Variants in SULT1C2 observed in about 807,000 individuals in gnomAD.
The protein encoded by SULT1C2 is sulfotransferase family 1C member 2.
SULT1C2 carries 27 observed loss-of-function variants against 36.0 expected under a neutral mutation model. That is an observed-to-expected ratio of 0.75 (90% CI 0.55 to 1.03). SULT1C2 has a LOEUF of 1.03. Ranked by LOEUF, SULT1C2 falls within the 50% of genes least tolerant of loss-of-function variation. The pLI, the probability that SULT1C2 is intolerant of heterozygous loss-of-function variation, is 0.00. For missense variants in SULT1C2, 395 were observed against 359.2 expected, an observed-to-expected ratio of 1.10 and a Z score of -0.80; for synonymous variants, 121 against 116.0, an observed-to-expected ratio of 1.04 and a Z score of -0.27.
Position 108,308,655 on chromosome 2 carries a change from TC to T in SULT1C2, c.*194del, listed in dbSNP as rs1425708630. The T allele has an allele frequency of 2.0e-6, 1 of 507,852 alleles. No homozygotes were observed. The highest frequency in any genetic ancestry group is 1.9e-5 in the African/African-American group (1 of 51,400). The allele number at this position is 507,852 out of a possible 1,614,324, so 31.5% of individuals were successfully genotyped here. On this transcript the variant is annotated 3_prime_UTR_variant, in exon 8 of 8. Transcript: ENST00000251481. ...AAAGGATCACGTCTAATGCCCATTTTCCCAACTATTCTTTCCAAAGTAAGAT... is the reference window on the plus strand; with the variant it reads ...AAAGGATCACGTCTAATGCCCATTTTCCAACTATTCTTTCCAAAGTAAGAT...
chr2:108,297,812 T>C (rs563734316), intron 3 of SULT1C2, among the ~76,000 whole-genome samples: 13 of 136,986 alleles, frequency 9.5e-5, no homozygotes, highest in African/African-American at 3.0e-4. Flanking sequence ...CCTGTAGGGG[T>C]TTTTTGGCAG....
intron 7 of SULT1C2, among the ~76,000 whole-genome samples, chr2:108,308,087 A>T (rs1218394663): frequency 6.6e-6 from 1 of 152,216 alleles, no homozygotes; most frequent in Non-Finnish European, 1.5e-5. Flanking sequence ...AGGTAAATAC[A>T]CTACAGGTGG....
At chr2:108,306,380 G>A (rs185397355) in intron 7 of SULT1C2, among the ~76,000 whole-genome samples, 1 of 152,198 alleles carries the variant, frequency 6.6e-6, no homozygotes, top group African/African-American at 2.4e-5. Flanking sequence ...TGAGGCATGA[G>A]GATTGCTTGA....
Position 108,296,698 on chromosome 2 carries a change from G to A in SULT1C2, c.277+2344G>A, listed in dbSNP as rs576341794. Among the ~76,000 whole-genome samples the A allele has an allele frequency of 1.4e-4, 21 of 152,264 alleles. No homozygotes were observed. In the East Asian group the frequency reaches 1.7e-3, roughly 13 times the overall value. On this transcript the variant is annotated intron_variant, in intron 3 of 7. Transcript: ENST00000251481. ...GAACTCCTGACCTCATGATATACCC[G>A]CCTCGGCCTCCCAAAGCACTGAGAT...
At chr2:108,294,130 C>A in intron 2 of SULT1C2, 99 bp from the exon 3 acceptor site, 1 of 1,539,852 alleles carries the variant, frequency 6.5e-7, no homozygotes, top group Non-Finnish European at 8.7e-7. Flanking sequence ...GAGGGTGATG[C>A]AAACACCAAG....
At position 108,304,843 on chromosome 2, in the gene SULT1C2, G is replaced by A. The variant is rs537553946; in HGVS notation, c.502+143G>A. 5.1e-5 allele frequency: 60 copies of A among 1,169,194 alleles called. No homozygotes were observed. The Admixed American group carries it at 1.0e-3, about 20-fold the overall frequency. The allele number at this position is 1,169,194 out of a possible 1,614,324, so 72.4% of individuals were successfully genotyped here. On this transcript the variant is annotated intron_variant, in intron 5 of 7. Transcript: ENST00000251481. ...AGACTGGGACTGGGCAGAGCAAGCT[G>A]GCCACTGAGTGTATGCCCACAGCCC...
chr2:108,295,127 A>G (rs1216667990), intron 3 of SULT1C2, among the ~76,000 whole-genome samples: 1 of 144,774 alleles, frequency 6.9e-6, no homozygotes, highest in Non-Finnish European at 1.5e-5. Flanking sequence ...ATAAATCCCT[A>G]AAAATGTCCT....
At chr2:108,302,444 C>G (rs1676907023) in intron 4 of SULT1C2, 1 of 152,218 alleles carries the variant, frequency 6.6e-6, no homozygotes, top group Non-Finnish European at 1.5e-5. Flanking sequence ...GCACTCCTTG[C>G]ATTGTCCAAG....
At chr2:108,290,808 G>T (rs928146492) in intron 1 of SULT1C2, among the ~76,000 whole-genome samples, 4 of 152,098 alleles carry the variant, frequency 2.6e-5, no homozygotes, top group African/African-American at 9.7e-5. Context: ...AGTTTTGGTG[G>T]GGACTAACCA....
At chr2:108,291,397 C>CCAT (rs1676587228) in intron 1 of SULT1C2, among the ~76,000 whole-genome samples, 1 of 152,074 alleles carries the variant, frequency 6.6e-6, no homozygotes, top group Non-Finnish European at 1.5e-5. Flanking sequence ...AACCTAAATT[C>CCAT]CATCTGCAAA....
Position 108,300,871 on chromosome 2 carries a change from G to A in SULT1C2, c.311G>A (p.Arg104Gln). ...VEKAKAMPSPRILKTHLSTQL... is the reference protein window; with the variant it reads ...VEKAKAMPSPQILKTHLSTQL... Reference sequence around the variant, plus strand: ...AAAGCCAAAGCAATGCCCTCTCCACGGATACTAAAGACTCACCTTTCCACT... The same window carrying A: ...AAAGCCAAAGCAATGCCCTCTCCACAGATACTAAAGACTCACCTTTCCACT... The change falls in exon 4 of 8, where the codon CGG (arginine) becomes CAG (glutamine). Residue 104 changes from arginine (R) to glutamine (Q), a missense_variant. Transcript: ENST00000251481. 2 of 1,614,018 alleles carry A rather than the reference G, an allele frequency of 1.2e-6. No individual in the cohort carries two copies. Among genetic ancestry groups the A allele is most frequent in the Non-Finnish European group, 1.7e-6 (2 of 1,180,010 alleles).
At chr2:108,290,690 G>A (rs1185922720) in intron 1 of SULT1C2, among the ~76,000 whole-genome samples, 1 of 152,090 alleles carries the variant, frequency 6.6e-6, no homozygotes, top group Non-Finnish European at 1.5e-5. Flanking sequence ...CCCACTTCTG[G>A]GAGATGGCAT....
At chr2:108,299,005 G>A (rs1325658248) in intron 3 of SULT1C2, 1 of 152,906 alleles carries the variant, frequency 6.5e-6, no homozygotes, top group East Asian at 1.9e-4. Context: ...GCACCCAGAG[G>A]CGAGGCAAGG....
chr2:108,305,124 TTTGTGTGATGCC>T, intron 5 of SULT1C2, 36 bp from the exon 6 acceptor site: 1 of 1,605,746 alleles, frequency 6.2e-7, no homozygotes, highest in Middle Eastern at 1.7e-4. Flanking sequence ...CTCAGAAGGT[TTTGTGTGATGCC>T]TATGTAGACT....
intron 3 of SULT1C2, chr2:108,299,095 T>C (rs1676810650): frequency 6.5e-6 from 1 of 152,874 alleles, no homozygotes; most frequent in Non-Finnish European, 1.5e-5. Flanking sequence ...TTTGAGTTTC[T>C]CCGGCTAATG....
rs1243793380 is a variant in SULT1C2 at position 108,294,326 on chromosome 2, T to C, written c.249T>C (p.Ile83=). ...TCATCCAACACCGCCATCCTTTCAT[T>C]GAGTGGGCTCGGCCACCCCAACCTT... ...RAIIQHRHPF[I]EWARPPQPSG... is the part of the protein sequence containing the mutation. The change falls in exon 3 of 8, where the codon ATT becomes ATC. Residue 83 remains isoleucine (I), a synonymous_variant. Coordinates refer to ENST00000251481, the MANE Select transcript of SULT1C2 (RefSeq NM_001056.4). 6.2e-7 allele frequency: 1 copy of C among 1,613,792 alleles called. No homozygotes were observed. Among genetic ancestry groups the C allele is most frequent in the Non-Finnish European group, 8.5e-7 (1 of 1,179,902 alleles).
intron 7 of SULT1C2, 188 bp downstream of exon 7, chr2:108,305,783 T>A (rs1573255831): frequency 1.3e-6 from 1 of 741,304 alleles, no homozygotes; most frequent in Non-Finnish European, 2.1e-6. Flanking sequence ...GTTCCAGTAT[T>A]TGGTTGCAAG....
intron 7 of SULT1C2, among the ~76,000 whole-genome samples, chr2:108,306,262 G>T (rs1395263417): frequency 6.6e-6 from 1 of 152,052 alleles, no homozygotes; most frequent in Admixed American, 6.5e-5. Context: ...TATTTTTTAA[G>T]AAAAAACTTT....
chr2:108,294,174 C>T, intron 2 of SULT1C2, 55 bp from the exon 3 acceptor site: 1 of 1,607,890 alleles, frequency 6.2e-7, no homozygotes, highest in South Asian at 1.1e-5. Flanking sequence ...CGGGACTCTT[C>T]AGGGAAGATT....
Sources: allele counts gnomAD v4.1 joint callset (sites outside exome capture counted in the v4.1 genomes callset), GRCh38; gene constraint gnomAD v4.1.1; transcripts MANE v1.5; gene names NCBI Gene and HGNC (gene_info 2026-07-23, HGNC 2026-07-21).